Variants in PRDM16 observed in about 807,000 individuals in gnomAD.
PRDM16 encodes PR/SET domain 16.
PRDM16 carries 23 observed loss-of-function variants against 110.6 expected under a neutral mutation model. The observed-to-expected ratio is 0.21, with a 90% CI of 0.15 to 0.29. PRDM16 has a LOEUF of 0.29. PRDM16 is among the 10% of genes least tolerant of loss of function. PRDM16 has a pLI of 1.00. For synonymous variants in PRDM16, 799 were observed against 781.8 expected (o/e 1.02, Z -0.37); for missense variants, 1,615 against 1,794.3 (o/e 0.90, Z 1.81).
At chr1:3,219,008 G>T (rs1427769234) in intron 2 of PRDM16, among the ~76,000 whole-genome samples, 1 of 152,208 alleles carries the variant, frequency 6.6e-6, no homozygotes, top group African/African-American at 2.4e-5. Context: ...AGGGGTCCTC[G>T]CGTCCAGTGC....
At chr1:3,093,787 T>C (rs1236171030) in intron 1 of PRDM16, among the ~76,000 whole-genome samples, 2 of 152,168 alleles carry the variant, frequency 1.3e-5, no homozygotes, top group Non-Finnish European at 2.9e-5. Context: ...CCCACCTGGC[T>C]GTGGCTGAGC....
At chr1:3,433,084 G>C (rs1638811492) in intron 16 of PRDM16, among the ~76,000 whole-genome samples, 3 of 152,236 alleles carry the variant, frequency 2.0e-5, no homozygotes, top group Non-Finnish European at 4.4e-5. Context: ...CCAGACACGT[G>C]TCTGTAGTTT....
chr1:3,146,762 A>G (rs1025566894), intron 1 of PRDM16, among the ~76,000 whole-genome samples: 2,155 of 16,806 alleles, frequency 0.13, no homozygotes, highest in Non-Finnish European at 0.14. Context: ...TGCTCGGTGT[A>G]GGGGGTGTGT....
At chr1:3,414,528 T>TG in intron 9 of PRDM16, 32 bp from the exon 10 acceptor site, 10 of 1,559,926 alleles carry the variant, frequency 6.4e-6, no homozygotes, top group Non-Finnish European at 8.8e-6. Context: ...GGCGGCTCGG[T>TG]GGGGTACGTA....
At chr1:3,104,602 C>T (rs1404073088) in intron 1 of PRDM16, among the ~76,000 whole-genome samples, 1 of 114,668 alleles carries the variant, frequency 8.7e-6, no homozygotes, top group Non-Finnish European at 1.7e-5. Flanking sequence ...CCTACACATC[C>T]AGGAGCATGT....
chr1:3,425,608 C>T lies in PRDM16; in HGVS notation c.2967C>T (p.Ser989=). The change falls in exon 13 of 17, where the codon AGC becomes AGT. Residue 989 remains serine, a synonymous_variant. Coordinates refer to ENST00000270722, the MANE Select transcript of PRDM16 (RefSeq NM_022114.4). This position sits in a 1 kb window ranked among gnomAD's most constrained non-coding sequence, Gnocchi z 6.9. The part of the protein sequence containing the change: ...YRCKYCDRSF[S]ISSNLQRHVR... ...GTAAGTACTGCGACCGCTCCTTCAG[C>T]ATCTCTTCGAACCTCCAGCGGCACG... The T allele has an allele frequency of 6.2e-7, 1 of 1,613,938 alleles. No individual in the cohort carries two copies. The highest frequency in any genetic ancestry group is 8.5e-7 in the Non-Finnish European group (1 of 1,179,954).
chr1:3,204,129 T>C (rs1167215038), intron 2 of PRDM16, among the ~76,000 whole-genome samples: 1 of 152,228 alleles, frequency 6.6e-6, no homozygotes, highest in Non-Finnish European at 1.5e-5. Context: ...AGATGCCTTT[T>C]TAAGGCCGGC....
intron 3 of PRDM16, among the ~76,000 whole-genome samples, chr1:3,296,719 A>G (rs1215986754): frequency 6.6e-6 from 1 of 152,234 alleles, no homozygotes; most frequent in Non-Finnish European, 1.5e-5. Context: ...AGGAAAGGAT[A>G]TGGCCGGGAA....
chr1:3,395,425 G>T lies in PRDM16; in HGVS notation c.574-1066G>T, dbSNP rs548752010. On this transcript the variant is annotated intron_variant, in intron 4 of 16. Transcript: ENST00000270722. ...TGGAGGAGCCTCAGCCCCAGGTCTC[G>T]CAGGGGCAGGTGGATTTCCCTTGGG... is the stretch of plus-strand genomic sequence containing the variant. Among the ~76,000 whole-genome samples the T allele has an allele frequency of 2.6e-4, 39 of 152,264 alleles. No homozygotes were observed. In the East Asian group the frequency reaches 4.6e-3, roughly 18 times the overall value.
rs146702837 is a variant in PRDM16 at position 3,278,781 on chromosome 1, C to T, written c.438+34644C>T. ...CCTCTCTGGCAGACGTGTCCAAACT[C>T]AGAAAACCTCTGCTGCTCTGACCAC... is the stretch of plus-strand genomic sequence containing the variant. On this transcript the variant is annotated intron_variant, in intron 3 of 16. Transcript: ENST00000270722. Among the ~76,000 whole-genome samples, 448 of 152,286 alleles carry T rather than the reference C, an allele frequency of 2.9e-3. 2 individuals are homozygous for T. The highest frequency in any genetic ancestry group is 0.01 in the African/African-American group (424 of 41,548).
chr1:3,217,959 C>T (rs768209420), intron 2 of PRDM16, among the ~76,000 whole-genome samples: 1 of 152,228 alleles, frequency 6.6e-6, no homozygotes, highest in Non-Finnish European at 1.5e-5. Flanking sequence ...CCTCTGTCAC[C>T]GATGTTGGGG....
chr1:3,321,914 G>A (rs910225450), intron 3 of PRDM16, among the ~76,000 whole-genome samples: 1 of 151,828 alleles, frequency 6.6e-6, no homozygotes, highest in Non-Finnish European at 1.5e-5. Flanking sequence ...GAGCACGTGT[G>A]TAAAGGGCAC....
intron 2 of PRDM16, among the ~76,000 whole-genome samples, chr1:3,230,265 C>T (rs1347976591): frequency 1.3e-5 from 2 of 152,190 alleles, no homozygotes; most frequent in African/African-American, 2.4e-5. Flanking sequence ...ACTAGATGGC[C>T]GTTCTAGATT....
chr1:3,296,220 G>A lies in PRDM16; in HGVS notation c.438+52083G>A, dbSNP rs866162635. 2.0e-5 allele frequency among the ~76,000 whole-genome samples: 3 copies of A among 152,320 alleles called. No individual in the cohort carries two copies. The Middle Eastern group carries it at 0.01, about 518-fold the overall frequency. On this transcript the variant is annotated intron_variant, in intron 3 of 16. Transcript: ENST00000270722. Reference sequence around the variant, plus strand: ...GTTAATGGGTCCCTGCTGGCTGTGAGGCACACGACCAGTGCCCTCTGGAGC... The same window carrying A: ...GTTAATGGGTCCCTGCTGGCTGTGAAGCACACGACCAGTGCCCTCTGGAGC...
At chr1:3,384,759 C>T (rs540793799) in intron 3 of PRDM16, among the ~76,000 whole-genome samples, 48 of 152,356 alleles carry the variant, frequency 3.2e-4, no homozygotes, top group Non-Finnish European at 5.4e-4. Flanking sequence ...TTTTCTCTAG[C>T]GCAGCGTCCC....
At chr1:3,216,541 C>T (rs952185706) in intron 2 of PRDM16, among the ~76,000 whole-genome samples, 3 of 152,190 alleles carry the variant, frequency 2.0e-5, no homozygotes, top group African/African-American at 4.8e-5. Flanking sequence ...GGTGGCTGTC[C>T]CCCGCCGAAC....
Position 3,414,663 on chromosome 1 carries a change from AG to A in PRDM16, c.2691+18del. On this transcript the variant is annotated intron_variant, in intron 10 of 16. Transcript: ENST00000270722. The stretch of plus-strand genomic sequence containing the variant: ...CCACCCCCAGGTACGTCCTCAGTGC[AG>A]GTCAGGGCGCCCTGTAACCCACACG... The A allele has an allele frequency of 6.2e-7, 1 of 1,604,184 alleles. No individual in the cohort carries two copies. The highest frequency in any genetic ancestry group is 8.5e-7 in the Non-Finnish European group (1 of 1,173,180).
At chr1:3,354,928 C>A (rs2100545779) in intron 3 of PRDM16, among the ~76,000 whole-genome samples, 1 of 152,280 alleles carries the variant, frequency 6.6e-6, no homozygotes, top group South Asian at 2.1e-4. Flanking sequence ...GCCAGGTCTG[C>A]ACCTGCTGAA....
chr1:3,202,265 C>A (rs971208983), intron 2 of PRDM16, among the ~76,000 whole-genome samples: 1 of 152,048 alleles, frequency 6.6e-6, no homozygotes, highest in South Asian at 2.1e-4. Context: ...GGGACCAGGA[C>A]GTCAGATGTC....
Sources: gnomAD v4.1 joint callset for allele counts (sites outside exome capture counted in the v4.1 genomes callset) on GRCh38, gnomAD v4.1.1 for gene constraint, Gnocchi (gnomAD v3.1) non-coding constraint, MANE v1.5 for transcripts, NCBI Gene and HGNC (gene_info 2026-07-23, HGNC 2026-07-21) for gene names.